Variants in ADAMTS17 observed in about 807,000 individuals in gnomAD.
ADAMTS17 encodes the protein A disintegrin and metalloproteinase with thrombospondin motifs 17.
In ADAMTS17, 113 loss-of-function variants were observed where a neutral mutation model predicts 141.5. The observed-to-expected ratio is 0.80, with a 90% CI of 0.69 to 0.93. The LOEUF is 0.93. Ranked by LOEUF, ADAMTS17 falls within the 40% of genes least tolerant of loss-of-function variation. The pLI, the probability that ADAMTS17 is intolerant of heterozygous loss-of-function variation, is 0.00. For synonymous variants in ADAMTS17, 768 were observed against 630.6 expected (o/e 1.22, Z -3.27); for missense variants, 1,659 against 1,517.9 (o/e 1.09, Z -1.54).
chr15:100,256,873 G>C (rs893489041), intron 6 of ADAMTS17: 2 of 152,388 alleles, frequency 1.3e-5, no homozygotes, highest in Non-Finnish European at 1.5e-5. Flanking sequence ...TGGCTTCTGT[G>C]TGGGCTCCGT....
intron 19 of ADAMTS17, among the ~76,000 whole-genome samples, chr15:99,995,271 G>A (rs2060776486): frequency 6.6e-6 from 1 of 152,216 alleles, no homozygotes; most frequent in Admixed American, 6.5e-5. Flanking sequence ...TTGCTCCTCT[G>A]CAACCAGGAA....
intron 3 of ADAMTS17, among the ~76,000 whole-genome samples, chr15:100,325,704 T>G (rs1159608081): frequency 6.6e-6 from 1 of 152,328 alleles, no homozygotes; most frequent in East Asian, 1.9e-4. Flanking sequence ...TCTCCCCATG[T>G]GACACGCTGG....
chr15:100,196,698 C>T (rs538234146), intron 8 of ADAMTS17, among the ~76,000 whole-genome samples: 2 of 152,362 alleles, frequency 1.3e-5, no homozygotes, highest in African/African-American at 2.4e-5. Flanking sequence ...GATCAGCTTT[C>T]CGGTTTCGTG....
intron 12 of ADAMTS17, among the ~76,000 whole-genome samples, chr15:100,130,930 G>T (rs566498970): frequency 3.4e-4 from 52 of 152,122 alleles, no homozygotes; most frequent in African/African-American, 1.1e-3. Flanking sequence ...TGTTTATTGT[G>T]GCACTATTCA....
At position 100,285,461 on chromosome 15, in the gene ADAMTS17, G is replaced by C. The variant is rs1009977045; in HGVS notation, c.617-4060C>G. Among the ~76,000 whole-genome samples the C allele has an allele frequency of 3.9e-5, 6 of 152,288 alleles. No homozygotes were observed. In the South Asian group the frequency reaches 1.2e-3, roughly 32 times the overall value. On this transcript the variant is annotated intron_variant, in intron 3 of 21. Coordinates refer to ENST00000268070, the MANE Select transcript of ADAMTS17 (RefSeq NM_139057.4). ...TAGTTTAGAAAGGATACAGTATCCA[G>C]GTATTTATTAGGGAAAAACAATACG...
At chr15:100,243,786 T>C (rs1401712172) in intron 7 of ADAMTS17, among the ~76,000 whole-genome samples, 3 of 75,250 alleles carry the variant, frequency 4.0e-5, no homozygotes, top group Non-Finnish European at 7.7e-5. Context: ...CAAGACTCCA[T>C]CTTAAAAAAA....
At chr15:100,241,280 C>T (rs2042819876) in intron 7 of ADAMTS17, among the ~76,000 whole-genome samples, 1 of 152,166 alleles carries the variant, frequency 6.6e-6, no homozygotes, top group Non-Finnish European at 1.5e-5. Context: ...CTGGCTCTAC[C>T]CCTCATTCCA....
intron 3 of ADAMTS17, among the ~76,000 whole-genome samples, chr15:100,329,783 T>C (rs1452866466): frequency 1.3e-5 from 2 of 152,108 alleles, no homozygotes; most frequent in African/African-American, 4.8e-5. Context: ...CAGACTAGGC[T>C]AAGGAGAAAG....
At chr15:100,047,023 C>T (rs1381834382) in intron 18 of ADAMTS17, among the ~76,000 whole-genome samples, 1 of 152,002 alleles carries the variant, frequency 6.6e-6, no homozygotes, top group Non-Finnish European at 1.5e-5. Flanking sequence ...TTTTTCTCAG[C>T]AAGGAACATC....
chr15:100,141,767 A>G (rs1227165332), intron 10 of ADAMTS17, among the ~76,000 whole-genome samples: 1 of 152,250 alleles, frequency 6.6e-6, no homozygotes, highest in African/African-American at 2.4e-5. Context: ...CTGAAAAGGC[A>G]GTCTACTGTA....
At chr15:100,289,526 A>G (rs2044558405) in intron 3 of ADAMTS17, among the ~76,000 whole-genome samples, 1 of 138,254 alleles carries the variant, frequency 7.2e-6, no homozygotes, top group African/African-American at 2.8e-5. Flanking sequence ...TTGCAGACAC[A>G]CACATACACA....
chr15:100,003,390 G>A (rs940870304), intron 18 of ADAMTS17, among the ~76,000 whole-genome samples: 2 of 152,092 alleles, frequency 1.3e-5, no homozygotes, highest in Non-Finnish European at 2.9e-5. Context: ...CCAGGGAGGC[G>A]ACTTGCTCTG....
chr15:100,068,618 T>C (rs573660474), intron 15 of ADAMTS17, among the ~76,000 whole-genome samples: 149 of 152,234 alleles, frequency 9.8e-4, no homozygotes, highest in Non-Finnish European at 1.9e-3. Context: ...CTGCAGCCTC[T>C]GCTGCTGATA....
intron 14 of ADAMTS17, among the ~76,000 whole-genome samples, chr15:100,107,548 C>T (rs542299623): frequency 1.3e-5 from 2 of 152,234 alleles, no homozygotes; most frequent in Admixed American, 6.5e-5. Context: ...CTCCTCAAAT[C>T]CACATGTTGA....
rs2043047950 is a variant in ADAMTS17 at position 100,248,284 on chromosome 15, C to A, written c.1075+5852G>T. Among the ~76,000 whole-genome samples the A allele has an allele frequency of 5.9e-5, 9 of 152,180 alleles. No homozygotes were observed. The South Asian group carries it at 1.9e-3, about 32-fold the overall frequency. Reference sequence around the variant, plus strand: ...AGCTTGATTTAGGCTGGCACAAAAACCACCGTAGCTCAATTTGGAGGCACG... The same window carrying A: ...AGCTTGATTTAGGCTGGCACAAAAAACACCGTAGCTCAATTTGGAGGCACG... On this transcript the variant is annotated intron_variant, in intron 7 of 21. Transcript: ENST00000268070.
intron 19 of ADAMTS17, among the ~76,000 whole-genome samples, chr15:99,996,436 T>C (rs1019428644): frequency 3.9e-5 from 6 of 152,166 alleles, no homozygotes; most frequent in Admixed American, 2.6e-4. Flanking sequence ...CTGACAAACG[T>C]AAGCATAGAC....
chr15:100,273,006 C>T (rs1218150294), intron 4 of ADAMTS17, among the ~76,000 whole-genome samples: 2 of 151,792 alleles, frequency 1.3e-5, no homozygotes, highest in Admixed American at 6.6e-5. Context: ...ATTGATTTGC[C>T]TATGTTGAGC....
Position 100,251,806 on chromosome 15 carries a change from C to T in ADAMTS17, c.1075+2330G>A, listed in dbSNP as rs559208788. Among the ~76,000 whole-genome samples the T allele has an allele frequency of 7.9e-4, 120 of 152,254 alleles. 1 individual carries two copies. Among genetic ancestry groups the T allele is most frequent in the African/African-American group, 2.1e-3 (87 of 41,556 alleles). On this transcript the variant is annotated intron_variant, in intron 7 of 21. Coordinates refer to ENST00000268070, the MANE Select transcript of ADAMTS17 (RefSeq NM_139057.4). ...AGGGGCTCTAGGCCAGTATGACTGG[C>T]GTCCTTTATAAGGAGGAGAGAGAAC...
chr15:100,070,610 A>G (rs911650898), intron 15 of ADAMTS17, among the ~76,000 whole-genome samples: 20 of 150,254 alleles, frequency 1.3e-4, no homozygotes, highest in African/African-American at 4.9e-4. Context: ...GCTCAACTAC[A>G]TGGAAACTGA....
Sources: gnomAD v4.1 joint callset for allele counts (sites outside exome capture counted in the v4.1 genomes callset) on GRCh38, gnomAD v4.1.1 for gene constraint, MANE v1.5 for transcripts, NCBI Gene and HGNC (gene_info 2026-07-23, HGNC 2026-07-21) for gene names.